Variants in WNT7B observed in about 807,000 individuals in gnomAD.
WNT7B encodes protein Wnt-7b.
WNT7B carries 19 observed loss-of-function variants against 38.2 expected under a neutral mutation model. The ratio of observed to expected loss-of-function variants is 0.50; its 90% CI spans 0.35 to 0.73. The LOEUF is 0.73. Ranked by LOEUF, WNT7B falls within the 30% of genes least tolerant of loss-of-function variation. WNT7B has a pLI of 0.01. For synonymous variants in WNT7B, 243 were observed against 209.3 expected (o/e 1.16, Z -1.39); for missense variants, 423 against 507.9 (o/e 0.83, Z 1.61).
rs566741097 is a variant in WNT7B, at chr22:45,954,601, C to T, written c.72-4455G>A. 2.3e-4 allele frequency: 224 copies of T among 985,316 alleles called. 2 individuals are homozygous for T. The highest frequency in any genetic ancestry group is 1.6e-3 in the Admixed American group (26 of 16,274). 61.0% of individuals were successfully genotyped at this position (985,316 alleles called of 1,614,324 possible). A position where few individuals can be genotyped will look rare whatever the true frequency, so the allele number is the denominator to read the frequency against. ...GCAGGGGGACTAGAGCCCCCAGCAG[C>T]CCCCTGCGTGCCCGTGCATGGGTTA... On this transcript the variant is annotated intron_variant, in intron 1 of 3. Transcript: ENST00000339464.
intron 2 of WNT7B, among the ~76,000 whole-genome samples, chr22:45,942,989 TGTGTGTAGGC>T (rs1217309545): frequency 6.8e-6 from 1 of 147,474 alleles, no homozygotes; most frequent in African/African-American, 2.7e-5. Flanking sequence ...GCAGTGTGCA[TGTGTGTAGGC>T]GTGTATGTGT....
intron 2 of WNT7B, among the ~76,000 whole-genome samples, chr22:45,939,675 A>G (rs925276115): frequency 9.9e-5 from 15 of 151,938 alleles, no homozygotes; most frequent in Non-Finnish European, 1.9e-4. Context: ...ACACACAAAA[A>G]TAGCCAGGTG....
Position 45,923,063 on chromosome 22 carries a change from GTCC to G in WNT7B, c.840_842del (p.Glu280del). ...GCGTGCCCACGCTGCCCGTGGCCGCGTCCTCCTCGCAGTAGTTGGGCGACTTCT... is the reference window on the plus strand; with the variant it reads ...GCGTGCCCACGCTGCCCGTGGCCGCGTCCTCGCAGTAGTTGGGCGACTTCT... On this transcript the variant is annotated inframe_deletion, in exon 4 of 4. Transcript: ENST00000339464. 6.2e-7 allele frequency: 1 copy of G among 1,613,098 alleles called. No individual in the cohort carries two copies. Among genetic ancestry groups the G allele is most frequent in the Non-Finnish European group, 8.5e-7 (1 of 1,179,616 alleles).
At chr22:45,925,828 G>A (rs1184078631) in intron 3 of WNT7B, 14 of 985,402 alleles carry the variant, frequency 1.4e-5, no homozygotes, top group East Asian at 1.1e-4. Flanking sequence ...CTCCTCAGAT[G>A]GGCCTGGATG....
intron 2 of WNT7B, among the ~76,000 whole-genome samples, chr22:45,945,555 T>C (rs956377862): frequency 1.3e-5 from 2 of 152,230 alleles, no homozygotes; most frequent in African/African-American, 4.8e-5. Flanking sequence ...GTCCACACCA[T>C]ATTACAAACA....
chr22:45,955,772 G>A (rs773347759), intron 1 of WNT7B, among the ~76,000 whole-genome samples: 5 of 152,152 alleles, frequency 3.3e-5, no homozygotes, highest in African/African-American at 7.2e-5. Flanking sequence ...CAGGGAGGGC[G>A]CTTATGGGAG....
At chr22:45,954,879 T>G in intron 1 of WNT7B, 1 of 529,602 alleles carries the variant, frequency 1.9e-6, no homozygotes, top group African/African-American at 2.1e-5. Flanking sequence ...AGTGGTGCCA[T>G]CCTCATTTTG....
At chr22:45,924,851 A>G (rs1297959389) in intron 3 of WNT7B, among the ~76,000 whole-genome samples, 397 of 69,898 alleles carry the variant, frequency 5.7e-3, no homozygotes, top group Middle Eastern at 0.014. Context: ...TGGGCCCTAG[A>G]GTGGCAGGTG....
At chr22:45,943,246 C>T (rs568551637) in intron 2 of WNT7B, among the ~76,000 whole-genome samples, 24 of 152,338 alleles carry the variant, frequency 1.6e-4, no homozygotes, top group African/African-American at 4.6e-4. Flanking sequence ...GGACCCCACC[C>T]GGGCTCGGGC....
At chr22:45,931,807 C>T (rs576159590) in intron 2 of WNT7B, among the ~76,000 whole-genome samples, 1 of 152,272 alleles carries the variant, frequency 6.6e-6, no homozygotes, top group Admixed American at 6.5e-5. Context: ...GGAGCCCCTC[C>T]TCATGAACGG....
intron 3 of WNT7B, chr22:45,927,357 G>A (rs1200687591): frequency 2.7e-6 from 4 of 1,477,324 alleles, no homozygotes; most frequent in South Asian, 2.7e-5. Flanking sequence ...AGAAGTGGGG[G>A]CAGGGCGGGG....
At chr22:45,953,966 C>T (rs1931999930) in intron 1 of WNT7B, among the ~76,000 whole-genome samples, 1 of 152,178 alleles carries the variant, frequency 6.6e-6, no homozygotes, top group African/African-American at 2.4e-5. Flanking sequence ...CAAATGATCA[C>T]AGTAGCACTA....
At chr22:45,950,212 C>A (rs941981296) in intron 1 of WNT7B, 66 bp from the exon 2 acceptor site, 70 of 1,380,734 alleles carry the variant, frequency 5.1e-5, no homozygotes, top group Non-Finnish European at 6.9e-5. Flanking sequence ...ACCCCCAACA[C>A]CTTTCCCCCA....
intron 2 of WNT7B, among the ~76,000 whole-genome samples, chr22:45,937,271 C>G (rs1931536369): frequency 6.6e-6 from 1 of 152,244 alleles, no homozygotes; most frequent in Non-Finnish European, 1.5e-5. Context: ...GGTCTGGGGG[C>G]CACACATGCT....
chr22:45,959,454 C>T (rs1009047201), intron 1 of WNT7B, among the ~76,000 whole-genome samples: 7 of 152,138 alleles, frequency 4.6e-5, no homozygotes, highest in Admixed American at 1.3e-4. Flanking sequence ...CACAGCTCCC[C>T]GCCAGCAACA....
intron 2 of WNT7B, among the ~76,000 whole-genome samples, chr22:45,936,396 G>A (rs370623649): frequency 6.6e-6 from 1 of 152,356 alleles, no homozygotes; most frequent in South Asian, 2.1e-4. Context: ...AGACCGAGGT[G>A]TCTGTCTGTG....
intron 1 of WNT7B, chr22:45,972,116 G>GGGGGGCCCCCCCCCCCCCCC: frequency 1.9e-6 from 1 of 530,744 alleles, no homozygotes. Flanking sequence ...CCCGGGGGGA[G>GGGGGGCCCCCCCCCCCCCCC]CCCACCCGCC....
chr22:45,927,606 TGGAACAGGGCCA>T (rs1284574863), intron 3 of WNT7B: 1 of 917,918 alleles, frequency 1.1e-6, no homozygotes, highest in Non-Finnish European at 1.8e-6. Flanking sequence ...ATATAAGAGA[TGGAACAGGGCCA>T]GGTGCAGTGG....
chr22:45,975,005 C>G lies in WNT7B; in HGVS notation c.71+1679G>C, dbSNP rs1303822427. Among the ~76,000 whole-genome samples, 1 of 152,168 alleles carries G rather than the reference C, an allele frequency of 6.6e-6. No individual in the cohort carries two copies. The highest frequency in any genetic ancestry group is 1.5e-5 in the Non-Finnish European group (1 of 68,014). Reference sequence around the variant, plus strand: ...ACCCACTCACTCGTGGGAGGAAGGGCTGCTTTCCGATGACTGAGGCAGAAG... The same window carrying G: ...ACCCACTCACTCGTGGGAGGAAGGGGTGCTTTCCGATGACTGAGGCAGAAG... On this transcript the variant is annotated intron_variant, in intron 1 of 3. Transcript: ENST00000339464. This position sits in a 1 kb window ranked among gnomAD's most constrained non-coding sequence, Gnocchi z 6.6.
Sources: allele counts gnomAD v4.1 joint callset (sites outside exome capture counted in the v4.1 genomes callset), GRCh38; gene constraint gnomAD v4.1.1; non-coding constraint Gnocchi (gnomAD v3.1); transcripts MANE v1.5; gene names NCBI Gene and HGNC (gene_info 2026-07-23, HGNC 2026-07-21).